TNRC6B: variants seen among roughly 807,000 people sequenced by gnomAD.
TNRC6B encodes trinucleotide repeat containing adaptor 6B, also known as trinucleotide repeat-containing gene 6B protein.
A neutral mutation model predicts 203.6 loss-of-function variants in TNRC6B; 52 were observed. The observed-to-expected ratio is 0.26, with a 90% confidence interval of 0.20 to 0.32. The LOEUF (loss-of-function observed/expected upper bound fraction) is 0.32. Among genes scored for constraint, TNRC6B ranks in the 10% least tolerant of loss-of-function variants. The probability of loss-of-function intolerance (pLI) is 1.00; values close to 1 mark genes in which losing one functional copy is unlikely to be tolerated. For missense variants in TNRC6B, 1,923 were observed against 2,286.2 expected, an observed-to-expected ratio of 0.84 and a Z score of 3.24; for synonymous variants, 838 against 845.7, an observed-to-expected ratio of 0.99 and a Z score of 0.16.
intron 4 of TNRC6B, 79 bp from the exon 5 acceptor site, chr22:40,264,609 C>G: frequency 6.8e-7 from 1 of 1,462,588 alleles, no homozygotes. Flanking sequence ...GGGCAGAGCT[C>G]AAAGGAGAGC....
Position 40,266,200 on chromosome 22 carries a change from C to T in TNRC6B, c.1970C>T (p.Ala657Val), listed in dbSNP as rs2070476807. The T allele has an allele frequency of 6.2e-7, 1 of 1,611,670 alleles. No homozygotes were observed. The highest frequency in any genetic ancestry group is 1.1e-5 in the South Asian group (1 of 90,840). Reference protein sequence around the residue: ...DKGTEGWESAATQTKNSGGWG... With the variant: ...DKGTEGWESAVTQTKNSGGWG... ...GGAACTGAGGGGTGGGAGAGCGCTGCCACACAGACCAAGAACTCAGGGGGC... is the reference window on the plus strand; with the variant it reads ...GGAACTGAGGGGTGGGAGAGCGCTGTCACACAGACCAAGAACTCAGGGGGC... Residue 657 changes from alanine to valine, a missense_variant, in exon 5 of 23, where the codon GCC becomes GTC. Coordinates refer to ENST00000454349, the MANE Select transcript of TNRC6B (RefSeq NM_001162501.2).
At chr22:40,191,241 G>A (rs2069268396) in intron 1 of TNRC6B, among the ~76,000 whole-genome samples, 1 of 152,108 alleles carries the variant, frequency 6.6e-6, no homozygotes, top group African/African-American at 2.4e-5. Flanking sequence ...GTGTGCCCCA[G>A]TTTTCTCATT....
intron 3 of TNRC6B, among the ~76,000 whole-genome samples, chr22:40,132,449 C>G (rs998997875): frequency 6.6e-6 from 1 of 151,270 alleles, no homozygotes; most frequent in African/African-American, 2.4e-5. Flanking sequence ...CCACGGCACT[C>G]CAGCCTGGGT....
At position 40,334,287 on chromosome 22, in the gene TNRC6B, A is replaced by T. The variant is rs550333189; in HGVS notation, c.*11046A>T. 6.5e-6 allele frequency: 1 copy of T among 152,676 alleles called. No individual in the cohort carries two copies. The highest frequency in any genetic ancestry group is 1.5e-5 in the Non-Finnish European group (1 of 68,050). The allele number at this position is 152,676 out of a possible 1,614,324, so 9.5% of individuals were successfully genotyped here. ...ATCAAAAATGGTGCATGCACCGTGA[A>T]TGTGCTCACAGAGACACGTGCACAA... is the stretch of plus-strand genomic sequence containing the variant. On this transcript the variant is annotated 3_prime_UTR_variant, in exon 23 of 23. Coordinates refer to ENST00000454349, the MANE Select transcript of TNRC6B (RefSeq NM_001162501.2).
intron 6 of TNRC6B, among the ~76,000 whole-genome samples, chr22:40,270,613 C>A (rs796270400): frequency 6.6e-6 from 1 of 152,040 alleles, no homozygotes; most frequent in Non-Finnish European, 1.5e-5. Context: ...CCACCGTGCC[C>A]GGCCGGGATT....
intron 1 of TNRC6B, among the ~76,000 whole-genome samples, chr22:40,047,464 G>T (rs941256252): frequency 6.6e-6 from 1 of 152,076 alleles, no homozygotes; most frequent in Non-Finnish European, 1.5e-5. Flanking sequence ...TTAGCCGGGC[G>T]TGGTGGTGGG....
intron 3 of TNRC6B, among the ~76,000 whole-genome samples, chr22:40,147,062 T>G (rs1272777770): frequency 6.6e-6 from 1 of 152,124 alleles, no homozygotes; most frequent in African/African-American, 2.4e-5. Context: ...CATGGAAGGG[T>G]GAATGGATAA....
chr22:40,072,861 C>CAAAA (rs767881898), intron 1 of TNRC6B, among the ~76,000 whole-genome samples: 3 of 46,532 alleles, frequency 6.4e-5, no homozygotes, highest in African/African-American at 5.8e-5. Context: ...GAGATTCTCT[C>CAAAA]AAAAAAAAAA....
intron 1 of TNRC6B, among the ~76,000 whole-genome samples, chr22:40,239,893 A>G (rs924607225): frequency 6.6e-6 from 1 of 151,892 alleles, no homozygotes; most frequent in Non-Finnish European, 1.5e-5. Context: ...GCTGGAGTGC[A>G]GTGGCGCGAT....
chr22:40,284,697 C>T (rs75830170), intron 11 of TNRC6B, among the ~76,000 whole-genome samples: 4,052 of 152,174 alleles, frequency 0.027, 167 homozygotes, highest in African/African-American at 0.092. Context: ...GAGGTGGGCC[C>T]AGTTAATCTG....
chr22:40,179,012 C>T (rs560614622), intron 1 of TNRC6B, among the ~76,000 whole-genome samples: 1 of 152,302 alleles, frequency 6.6e-6, no homozygotes, highest in South Asian at 2.1e-4. Context: ...AGATGCAAAA[C>T]TGAGTTTTTC....
At chr22:40,259,049 T>C (rs1236334402) in intron 3 of TNRC6B, among the ~76,000 whole-genome samples, 1 of 152,216 alleles carries the variant, frequency 6.6e-6, no homozygotes, top group Non-Finnish European at 1.5e-5. Context: ...TTCTCCAGTC[T>C]CTGCCAACTT....
intron 1 of TNRC6B, among the ~76,000 whole-genome samples, chr22:40,197,666 G>A (rs1037516623): frequency 6.7e-6 from 1 of 149,868 alleles, no homozygotes; most frequent in Non-Finnish European, 1.5e-5. Context: ...GCAGTGGTGC[G>A]ATTCATAGTT....
At chr22:40,169,552 A>G (rs1394620130) in intron 4 of TNRC6B, among the ~76,000 whole-genome samples, 2 of 152,192 alleles carry the variant, frequency 1.3e-5, no homozygotes, top group African/African-American at 4.8e-5. Flanking sequence ...TATACTGCGT[A>G]CTTACATACT....
intron 1 of TNRC6B, among the ~76,000 whole-genome samples, chr22:40,187,095 T>G (rs1207475883): frequency 6.6e-6 from 1 of 152,230 alleles, no homozygotes; most frequent in Non-Finnish European, 1.5e-5. Context: ...TAAAATACAG[T>G]TAAAAATTCA....
chr22:40,143,777 T>G (rs906081512), intron 3 of TNRC6B, among the ~76,000 whole-genome samples: 3 of 152,178 alleles, frequency 2.0e-5, no homozygotes, highest in Non-Finnish European at 4.4e-5. Flanking sequence ...ATTACAGGCG[T>G]GAGCCACTGT....
At chr22:40,191,110 G>A (rs981459283) in intron 1 of TNRC6B, among the ~76,000 whole-genome samples, 1 of 152,156 alleles carries the variant, frequency 6.6e-6, no homozygotes, top group Non-Finnish European at 1.5e-5. Flanking sequence ...AAACATCTGA[G>A]CTGGGTCTTA....
At chr22:40,153,655 C>T (rs2068782120) in intron 3 of TNRC6B, among the ~76,000 whole-genome samples, 1 of 151,334 alleles carries the variant, frequency 6.6e-6, no homozygotes, top group Non-Finnish European at 1.5e-5. Flanking sequence ...CCATATGATT[C>T]AGCTGTATAT....
At chr22:40,069,864 A>G (rs2067932305) in intron 1 of TNRC6B, among the ~76,000 whole-genome samples, 3 of 152,156 alleles carry the variant, frequency 2.0e-5, no homozygotes, top group African/African-American at 2.4e-5. Context: ...TTTCACGGCT[A>G]TCAGTTATGA....
Sources: allele counts gnomAD v4.1 joint callset (sites outside exome capture counted in the v4.1 genomes callset), GRCh38; gene constraint gnomAD v4.1.1; transcripts MANE v1.5; gene names NCBI Gene and HGNC (gene_info 2026-07-23, HGNC 2026-07-21).